KLKB1: variants seen among roughly 807,000 people sequenced by gnomAD.
The protein encoded by KLKB1 is kallikrein B1.
In KLKB1, 58 loss-of-function variants were observed where a neutral mutation model predicts 73.6. The ratio of observed to expected loss-of-function variants is 0.79; its 90% CI spans 0.64 to 0.98. The LOEUF (loss-of-function observed/expected upper bound fraction) is 0.98. KLKB1 is among the 50% of genes least tolerant of loss of function. KLKB1 has a pLI of 0.00. For synonymous variants in KLKB1, 280 were observed against 258.1 expected (o/e 1.08, Z -0.81); for missense variants, 737 against 763.8 (o/e 0.96, Z 0.41).
intron 5 of KLKB1, 97 bp from the exon 6 acceptor site, chr4:186,238,159 G>GTT (rs1305762623): frequency 1.2e-6 from 1 of 810,644 alleles, no homozygotes; most frequent in African/African-American, 1.7e-5. Context: ...CAGGGTCATT[G>GTT]TTTTTCCACT....
chr4:186,228,634 A>T (rs1420699194), intron 2 of KLKB1, among the ~76,000 whole-genome samples: 1 of 152,250 alleles, frequency 6.6e-6, no homozygotes, highest in East Asian at 1.9e-4. Context: ...GGCATTTTAT[A>T]GTGTCTGGGT....
chr4:186,251,121 G>C, intron 7 of KLKB1, 98 bp from the exon 8 acceptor site: 1 of 740,868 alleles, frequency 1.3e-6, no homozygotes. Context: ...AATAAAATTT[G>C]CTGCGTTGCT....
chr4:186,251,098 A>G, intron 7 of KLKB1, 121 bp from the exon 8 acceptor site: 1 of 677,278 alleles, frequency 1.5e-6, no homozygotes, highest in Non-Finnish European at 2.6e-6. Flanking sequence ...CTTTGAAGAG[A>G]GTTTCCCAGA....
chr4:186,245,427 G>A (rs1274163550), intron 6 of KLKB1, among the ~76,000 whole-genome samples: 1 of 152,238 alleles, frequency 6.6e-6, no homozygotes, highest in African/African-American at 2.4e-5. Context: ...CCTTGGGCCA[G>A]AGTTCCAGGG....
chr4:186,246,854 A>T (rs562885688), intron 6 of KLKB1, among the ~76,000 whole-genome samples: 2 of 152,228 alleles, frequency 1.3e-5, no homozygotes, highest in Non-Finnish European at 2.9e-5. Context: ...CCCTGCAGTG[A>T]TTAAACAGCA....
chr4:186,243,389 G>A (rs903535939), intron 6 of KLKB1, among the ~76,000 whole-genome samples: 5 of 152,164 alleles, frequency 3.3e-5, no homozygotes, highest in Non-Finnish European at 4.4e-5. Context: ...GCCTTGTGTG[G>A]GAAGAGATTG....
Position 186,236,717 on chromosome 4 carries a change from G to C in KLKB1, c.329-64G>C, listed in dbSNP as rs1407107178. The C allele has an allele frequency of 3.9e-6, 6 of 1,530,718 alleles. No homozygotes were observed. The East Asian group carries it at 9.0e-5, about 23-fold the overall frequency. 94.8% of individuals were successfully genotyped at this position (1,530,718 alleles called of 1,614,324 possible). On this transcript the variant is annotated intron_variant, in intron 4 of 14. Coordinates refer to ENST00000264690, the MANE Select transcript of KLKB1 (RefSeq NM_000892.5). ...TAAACTACCAACCCAAATGGTAGTG[G>C]GTATCTAATCTACCTCTAGAAAGAA...
At chr4:186,240,226 TGTTATA>T (rs1472691181) in intron 6 of KLKB1, among the ~76,000 whole-genome samples, 24 of 151,968 alleles carry the variant, frequency 1.6e-4, no homozygotes, top group Non-Finnish European at 2.9e-4. Context: ...ACAGTGATAT[TGTTATA>T]GTTATAGGAC....
chr4:186,245,167 G>T (rs1228286029), intron 6 of KLKB1, among the ~76,000 whole-genome samples: 3 of 152,180 alleles, frequency 2.0e-5, no homozygotes, highest in Admixed American at 2.0e-4. Flanking sequence ...GAGTTGGGGA[G>T]TTTTAAGAGG....
In KLKB1 at chr4:186,228,179, T is replaced by C; in HGVS notation, c.-1-16T>C. 2 of 1,417,676 alleles carry C rather than the reference T, an allele frequency of 1.4e-6. No homozygotes were observed. The highest frequency in any genetic ancestry group is 2.0e-6 in the Non-Finnish European group (2 of 1,001,546). The allele number at this position is 1,417,676 out of a possible 1,614,324, so 87.8% of individuals were successfully genotyped here. ...GGTCTAAAACCAGCAGAGTTATGTA[T>C]TGTTTTCTTTTTTAGAATGATTTTA... On this transcript the variant is annotated splice_polypyrimidine_tract_variant and intron_variant, in intron 1 of 14. Coordinates refer to ENST00000264690, the MANE Select transcript of KLKB1 (RefSeq NM_000892.5).
intron 2 of KLKB1, among the ~76,000 whole-genome samples, chr4:186,215,436 T>G (rs1323515534): frequency 1.3e-5 from 2 of 150,880 alleles, no homozygotes; most frequent in African/African-American, 2.4e-5. Context: ...TCTCTCTCTC[T>G]CCTTGCTTGC....
At position 186,238,271 on chromosome 4, in the gene KLKB1, A is replaced by G; in HGVS notation, c.504A>G (p.Leu168=). Residue 168 remains leucine, a synonymous_variant, in exon 6 of 15, where the codon TTA becomes TTG. Coordinates refer to ENST00000264690, the MANE Select transcript of KLKB1 (RefSeq NM_000892.5). ...HKAEYRNNCL[L]KYSPGGTPTA... ...TCCCATTCAGGAACAATTGCCTATT[A>G]AAGTACAGTCCCGGAGGAACACCTA... The G allele has an allele frequency of 6.2e-7, 1 of 1,612,498 alleles. No individual in the cohort carries two copies. Among genetic ancestry groups the G allele is most frequent in the Non-Finnish European group, 8.5e-7 (1 of 1,178,510 alleles).
chr4:186,252,065 C>G lies in KLKB1; in HGVS notation c.1193C>G (p.Ser398Cys). 1 of 1,614,166 alleles carries G rather than the reference C, an allele frequency of 6.2e-7. No homozygotes were observed. Among genetic ancestry groups the G allele is most frequent in the Admixed American group, 1.7e-5 (1 of 60,034 alleles). The change falls in exon 11 of 15, where the codon TCT becomes TGT. Residue 398 changes from serine (S) to cysteine (C), a missense_variant. Ser to Cys is a moderately radical substitution (Grantham distance 112, BLOSUM62 -1). Coordinates refer to ENST00000264690, the MANE Select transcript of KLKB1 (RefSeq NM_000892.5). ...CGCATTGTTGGAGGAACAAACTCTT[C>G]TTGGGGAGAGTGGCCCTGGCAGGTG... is the stretch of plus-strand genomic sequence containing the variant. ...STRIVGGTNS[S>C]WGEWPWQVSL...
chr4:186,244,684 G>A (rs927027711), intron 6 of KLKB1, among the ~76,000 whole-genome samples: 15 of 152,202 alleles, frequency 9.9e-5, no homozygotes, highest in Non-Finnish European at 8.8e-5. Context: ...GAATAGGCAA[G>A]ACAATTTGGT....
intron 6 of KLKB1, among the ~76,000 whole-genome samples, chr4:186,242,385 GA>G (rs1453078207): frequency 1.3e-5 from 2 of 152,128 alleles, no homozygotes; most frequent in Non-Finnish European, 2.9e-5. Flanking sequence ...TTGGGGTGGC[GA>G]AAGTTTTTGG....
intron 6 of KLKB1, among the ~76,000 whole-genome samples, chr4:186,238,647 C>T (rs1737836046): frequency 6.6e-6 from 1 of 152,172 alleles, no homozygotes; most frequent in Non-Finnish European, 1.5e-5. Flanking sequence ...TATTACACTG[C>T]TGGCTTTGAA....
In KLKB1 at chr4:186,258,378, C is replaced by T. The variant is rs775524675; in HGVS notation, c.*166C>T. ...CTGAGGACAATGTCTGGCTGAAGCCCGCTTTCAGCACGCCGTAACCAGGGG... is the reference window on the plus strand; with the variant it reads ...CTGAGGACAATGTCTGGCTGAAGCCTGCTTTCAGCACGCCGTAACCAGGGG... On this transcript the variant is annotated 3_prime_UTR_variant, in exon 15 of 15. Coordinates refer to ENST00000264690, the MANE Select transcript of KLKB1 (RefSeq NM_000892.5). The T allele has an allele frequency of 8.1e-5, 57 of 704,446 alleles. No individual in the cohort carries two copies. Among genetic ancestry groups the T allele is most frequent in the Non-Finnish European group, 1.2e-4 (46 of 393,270 alleles). The allele number at this position is 704,446 out of a possible 1,614,324, so 43.6% of individuals were successfully genotyped here. A position where few individuals can be genotyped will look rare whatever the true frequency, so the allele number is the denominator to read the frequency against.
intron 6 of KLKB1, among the ~76,000 whole-genome samples, chr4:186,239,132 G>A (rs1737869255): frequency 7.5e-6 from 1 of 133,872 alleles, no homozygotes; most frequent in South Asian, 2.4e-4. Context: ...ACTGTTATAG[G>A]AAACTAGTAC....
rs776017657 is a variant in KLKB1, at chr4:186,250,369, T to C, written c.725T>C (p.Phe242Ser). Residue 242 changes from phenylalanine (F) to serine (S), a missense_variant, in exon 7 of 15, where the codon TTC (phenylalanine) becomes TCC (serine). Coordinates refer to ENST00000264690, the MANE Select transcript of KLKB1 (RefSeq NM_000892.5). The part of the protein sequence containing the change: ...TYHPNCLFFT[F>S]YTNVWKIESQ... ...CACCCCAACTGCCTCTTCTTTACATTCTATACAAATGTATGGAAAATCGAG... is the reference window on the plus strand; with the variant it reads ...CACCCCAACTGCCTCTTCTTTACATCCTATACAAATGTATGGAAAATCGAG... 1.2e-6 allele frequency: 2 copies of C among 1,614,144 alleles called. No individual in the cohort carries two copies. Among genetic ancestry groups the C allele is most frequent in the South Asian group, 2.2e-5 (2 of 91,078 alleles).
Sources: gnomAD v4.1 joint callset for allele counts (sites outside exome capture counted in the v4.1 genomes callset) on GRCh38, gnomAD v4.1.1 for gene constraint, MANE v1.5 for transcripts, NCBI Gene and HGNC (gene_info 2026-07-23, HGNC 2026-07-21) for gene names.